NWD2: variants seen among roughly 807,000 people sequenced by gnomAD.
NWD2 encodes the protein NACHT and WD repeat domain-containing protein 2.
Under a neutral mutation model 132.7 loss-of-function variants are expected in NWD2, and 37 were observed. The observed-to-expected ratio is 0.28, with a 90% CI of 0.21 to 0.37. The LOEUF is 0.37. Among genes scored for constraint, NWD2 ranks in the 10% least tolerant of loss-of-function variants. The probability of loss-of-function intolerance (pLI) is 1.00; values close to 1 mark genes in which losing one functional copy is unlikely to be tolerated. For synonymous variants in NWD2, 705 were observed against 803.0 expected (o/e 0.88, Z 2.06); for missense variants, 1,592 against 2,122.4 (o/e 0.75, Z 4.91).
At chr4:37,268,908 T>C (rs548391839) in intron 1 of NWD2, among the ~76,000 whole-genome samples, 1 of 151,990 alleles carries the variant, frequency 6.6e-6, no homozygotes, top group East Asian at 1.9e-4. Context: ...TCTGAAATTA[T>C]TTAAATATTG....
At chr4:37,319,136 C>T (rs183641114) in intron 1 of NWD2, among the ~76,000 whole-genome samples, 5 of 152,242 alleles carry the variant, frequency 3.3e-5, no homozygotes, top group Non-Finnish European at 5.9e-5. Flanking sequence ...GCTTTACCAG[C>T]ATCTGTTGTT....
At chr4:37,297,117 A>G (rs939983876) in intron 1 of NWD2, among the ~76,000 whole-genome samples, 15 of 152,144 alleles carry the variant, frequency 9.9e-5, no homozygotes, top group Non-Finnish European at 1.2e-4. Context: ...CACACACAGT[A>G]TCTATGAATA....
chr4:37,273,600 C>T (rs1225186743), intron 1 of NWD2, among the ~76,000 whole-genome samples: 2 of 152,150 alleles, frequency 1.3e-5, no homozygotes, highest in African/African-American at 4.8e-5. Flanking sequence ...ATCTACAGAA[C>T]TCTCCATCCC....
intron 1 of NWD2, among the ~76,000 whole-genome samples, chr4:37,260,882 T>C (rs933190323): frequency 1.3e-5 from 2 of 152,202 alleles, no homozygotes; most frequent in African/African-American, 4.8e-5. Flanking sequence ...TGTAGCCACA[T>C]ACAACACATG....
chr4:37,373,916 A>C (rs1052471006), intron 3 of NWD2, among the ~76,000 whole-genome samples: 4 of 152,250 alleles, frequency 2.6e-5, no homozygotes, highest in African/African-American at 9.6e-5. Flanking sequence ...ACACTTTAGA[A>C]AACATGTTGG....
chr4:37,428,239 T>A (rs191760034), intron 3 of NWD2, among the ~76,000 whole-genome samples: 93 of 152,232 alleles, frequency 6.1e-4, no homozygotes, highest in African/African-American at 2.2e-3. Flanking sequence ...TAGTCAGAAA[T>A]GCCCCCTAGG....
chr4:37,325,792 A>G (rs1719161673), intron 1 of NWD2, 144 bp from the exon 2 acceptor site: 1 of 569,246 alleles, frequency 1.8e-6, no homozygotes, highest in East Asian at 3.1e-5. Flanking sequence ...GTCTACACCA[A>G]CAGCCAAATA....
At chr4:37,334,614 AT>A (rs1412692829) in intron 2 of NWD2, among the ~76,000 whole-genome samples, 2 of 152,196 alleles carry the variant, frequency 1.3e-5, no homozygotes, top group African/African-American at 4.8e-5. Flanking sequence ...TCTGTCCCAC[AT>A]GGGCCGCTGG....
At chr4:37,249,887 T>C (rs1717317404) in intron 1 of NWD2, among the ~76,000 whole-genome samples, 1 of 152,152 alleles carries the variant, frequency 6.6e-6, no homozygotes, top group South Asian at 2.1e-4. Flanking sequence ...AGGTTTGTTC[T>C]CCGTTACAGT....
intron 2 of NWD2, among the ~76,000 whole-genome samples, chr4:37,353,638 C>A (rs1239664640): frequency 6.6e-6 from 1 of 151,838 alleles, no homozygotes; most frequent in Non-Finnish European, 1.5e-5. Flanking sequence ...ATCGATTCAG[C>A]TATTGATACT....
At chr4:37,336,952 G>GAA (rs11371327) in intron 2 of NWD2, among the ~76,000 whole-genome samples, 15,073 of 118,748 alleles carry the variant, frequency 0.13, 1,179 homozygotes, top group South Asian at 0.24. Context: ...CTCAAAAAAA[G>GAA]AAAAAAAAAA....
chr4:37,387,585 G>A (rs779573784), intron 3 of NWD2, among the ~76,000 whole-genome samples: 5 of 150,444 alleles, frequency 3.3e-5, no homozygotes, highest in Non-Finnish European at 7.4e-5. Flanking sequence ...CTCTACTGTA[G>A]CCTCCCCTAG....
At chr4:37,383,006 C>A (rs1265186460) in intron 3 of NWD2, among the ~76,000 whole-genome samples, 1 of 152,140 alleles carries the variant, frequency 6.6e-6, no homozygotes, top group East Asian at 1.9e-4. Context: ...CTGAAAAAAA[C>A]TCCTGAGCTG....
chr4:37,373,422 TG>T (rs1312038111), intron 3 of NWD2, among the ~76,000 whole-genome samples: 1 of 152,236 alleles, frequency 6.6e-6, no homozygotes, highest in African/African-American at 2.4e-5. Flanking sequence ...CTAAAAGGGT[TG>T]TCAAAGCTCA....
chr4:37,277,327 A>G (rs1441846835), intron 1 of NWD2, among the ~76,000 whole-genome samples: 1 of 151,922 alleles, frequency 6.6e-6, no homozygotes, highest in East Asian at 1.9e-4. Flanking sequence ...CAAATTTGGA[A>G]CGTTTTAGCT....
At chr4:37,432,366 A>G (rs1482374724) in intron 4 of NWD2, among the ~76,000 whole-genome samples, 2 of 5,766 alleles carry the variant, frequency 3.5e-4, no homozygotes, top group East Asian at 3.6e-3. Context: ...GTGAAGAAGA[A>G]AAAAAAAAAA....
At chr4:37,407,327 G>A (rs1448404557) in intron 3 of NWD2, among the ~76,000 whole-genome samples, 1 of 150,520 alleles carries the variant, frequency 6.6e-6, no homozygotes, top group African/African-American at 2.5e-5. Flanking sequence ...GTGGCACCCA[G>A]CTAAATCTAC....
chr4:37,285,652 T>G (rs1215079562), intron 1 of NWD2, among the ~76,000 whole-genome samples: 3 of 152,182 alleles, frequency 2.0e-5, no homozygotes, highest in African/African-American at 7.2e-5. Context: ...TTTGGTTTCA[T>G]TTGAGCTGGG....
At chr4:37,329,567 A>G (rs1028104861) in intron 2 of NWD2, among the ~76,000 whole-genome samples, 2 of 152,088 alleles carry the variant, frequency 1.3e-5, no homozygotes, top group Admixed American at 6.5e-5. Flanking sequence ...TCTAGGAACA[A>G]TCACACTACC....
Sources: allele counts gnomAD v4.1 joint callset (sites outside exome capture counted in the v4.1 genomes callset), GRCh38; gene constraint gnomAD v4.1.1; transcripts MANE v1.5; gene names NCBI Gene and HGNC (gene_info 2026-07-23, HGNC 2026-07-21).